CLCN7: variants seen among roughly 807,000 people sequenced by gnomAD.
The protein encoded by CLCN7 is H(+)/Cl(-) exchange transporter 7.
CLCN7 carries 60 observed loss-of-function variants against 102.1 expected under a neutral mutation model. That is an observed-to-expected ratio of 0.59 (90% confidence interval 0.48 to 0.73). The LOEUF (loss-of-function observed/expected upper bound fraction) is 0.73. Among genes scored for constraint, CLCN7 ranks in the 30% least tolerant of loss-of-function variants. The probability of loss-of-function intolerance (pLI) is 0.00; values close to 1 mark genes in which losing one functional copy is unlikely to be tolerated. For synonymous variants in CLCN7, 560 were observed against 490.5 expected (o/e 1.14, Z -1.87); for missense variants, 962 against 1,125.7 (o/e 0.85, Z 2.08).
chr16:1,455,584 G>T, intron 11 of CLCN7, 147 bp downstream of exon 11: 1 of 886,998 alleles, frequency 1.1e-6, no homozygotes, highest in Non-Finnish European at 1.8e-6. Context: ...CAGGACCGCT[G>T]CTTTGGGCAG....
At chr16:1,458,574 G>T (rs1381781234) in intron 7 of CLCN7, among the ~76,000 whole-genome samples, 6 of 152,234 alleles carry the variant, frequency 3.9e-5, no homozygotes, top group Non-Finnish European at 8.8e-5. Flanking sequence ...CACCCCCAGG[G>T]GGCAGCGGCC....
chr16:1,460,011 A>G (rs1406773481), intron 6 of CLCN7, among the ~76,000 whole-genome samples: 134 of 109,574 alleles, frequency 1.2e-3, no homozygotes, highest in African/African-American at 2.1e-3. Context: ...CAGGGAAGGG[A>G]AGAGCAGCAC....
At chr16:1,452,973 T>G in intron 14 of CLCN7, 80 bp from the exon 15 acceptor site, 1 of 1,527,980 alleles carries the variant, frequency 6.5e-7, no homozygotes, top group Middle Eastern at 1.7e-4. Flanking sequence ...CTCGAGTCCC[T>G]GATGGAGGAC....
In CLCN7 at chr16:1,450,551, C is replaced by A. The variant is rs2142371239; in HGVS notation, c.1563G>T (p.Gly521=). The A allele has an allele frequency of 3.7e-6, 6 of 1,611,716 alleles. No homozygotes were observed. The highest frequency in any genetic ancestry group is 5.1e-6 in the Non-Finnish European group (6 of 1,179,544). The change falls in exon 17 of 25, where the codon GGG becomes GGT. Residue 521 remains glycine (G), a synonymous_variant. Transcript: ENST00000382745. The part of the protein sequence containing the change: ...AGVFIPSLLI[G]AAWGRLFGIS... ...TCCCAAAGAGCCGGCCCCAGGCAGC[C>A]CCGATGAGCAGGGACGGGATGAAGA... is the stretch of plus-strand genomic sequence containing the variant.
intron 17 of CLCN7, 95 bp from the exon 18 acceptor site, chr16:1,449,422 C>A (rs2038707343): frequency 8.2e-7 from 1 of 1,217,488 alleles, no homozygotes. Context: ...GGCCCAGCAG[C>A]CCCACAGCCA....
At position 1,460,861 on chromosome 16, in the gene CLCN7, C is replaced by T. The variant is rs764560333; in HGVS notation, c.439G>A (p.Val147Met). 7 of 1,613,930 alleles carry T rather than the reference C, an allele frequency of 4.3e-6. No individual in the cohort carries two copies. The Admixed American group carries it at 5.0e-5, about 12-fold the overall frequency. Residue 147 changes from valine (V) to methionine (M), a missense_variant, in exon 5 of 25, where the codon GTG becomes ATG. Transcript: ENST00000382745. ...TGLVACFIDI[V>M]VENLAGLKYR... ...TTGAGGCCAGCCAGGTTTTCCACCACGATGTCAATGAAGCAGGCCACGAGG... is the reference window on the plus strand; with the variant it reads ...TTGAGGCCAGCCAGGTTTTCCACCATGATGTCAATGAAGCAGGCCACGAGG...
At chr16:1,473,897 C>G (rs1257258300) in intron 1 of CLCN7, among the ~76,000 whole-genome samples, 3 of 151,828 alleles carry the variant, frequency 2.0e-5, no homozygotes, top group Non-Finnish European at 4.4e-5. Context: ...CCAGCCTGAC[C>G]AACACGGAGG....
chr16:1,468,406 C>A (rs1322114364), intron 1 of CLCN7, among the ~76,000 whole-genome samples: 1 of 152,256 alleles, frequency 6.6e-6, no homozygotes, highest in South Asian at 2.1e-4. Flanking sequence ...GCATCTCTTT[C>A]CTTAACTCTG....
intron 6 of CLCN7, 150 bp downstream of exon 6, chr16:1,460,268 T>C (rs2038912146): frequency 2.9e-6 from 2 of 679,872 alleles, no homozygotes; most frequent in Non-Finnish European, 5.4e-6. Flanking sequence ...CCTCCTGAGG[T>C]TGTGAGTCTG....
At chr16:1,461,359 C>T (rs1356876570) in intron 4 of CLCN7, 46 bp downstream of exon 4, 3 of 1,510,430 alleles carry the variant, frequency 2.0e-6, no homozygotes, top group Non-Finnish European at 2.7e-6. Context: ...CGGCCGGCAC[C>T]AGGCCCCGCA....
Position 1,456,109 on chromosome 16 carries a change from T to C in CLCN7, c.916+4A>G. The C allele has an allele frequency of 6.4e-7, 1 of 1,550,980 alleles. No homozygotes were observed. Among genetic ancestry groups the C allele is most frequent in the South Asian group, 1.2e-5 (1 of 84,790 alleles). ...AGCATTGGACCCGGTGCGGCCCTCC[T>C]CACCCACGGGGGCTCCAAACGCCGC... On this transcript the variant is annotated splice_donor_region_variant and intron_variant, in intron 10 of 24. Coordinates refer to ENST00000382745, the MANE Select transcript of CLCN7 (RefSeq NM_001287.6).
At chr16:1,447,326 G>A (rs1351221494) in intron 23 of CLCN7, 66 bp downstream of exon 23, 3 of 1,483,194 alleles carry the variant, frequency 2.0e-6, no homozygotes, top group Non-Finnish European at 2.7e-6. Context: ...CCTCCCCGAG[G>A]CTCTGGACCC....
intron 16 of CLCN7, among the ~76,000 whole-genome samples, chr16:1,451,183 T>G (rs1240240256): frequency 6.6e-6 from 1 of 152,216 alleles, no homozygotes; most frequent in East Asian, 1.9e-4. Flanking sequence ...CAGGCCGTGG[T>G]CTTGGTGTGG....
chr16:1,447,165 A>AC, intron 23 of CLCN7, 79 bp from the exon 24 acceptor site: 1 of 1,370,304 alleles, frequency 7.3e-7, no homozygotes, highest in Non-Finnish European at 1.0e-6. Context: ...GGCTCCCTGC[A>AC]CCCCCCACCA....
In CLCN7 at chr16:1,474,948, G is replaced by C; in HGVS notation, c.27C>G (p.Ser9=). MANVSKKV[S]WSGRDRDDEE... ...CGTCGTCCCGGTCCCGGCCGGACCA[G>C]GACACCTTCTTAGAGACGTTGGCCA... The change falls in exon 1 of 25, where the codon TCC becomes TCG. Residue 9 remains serine, a synonymous_variant. Transcript: ENST00000382745. 6.7e-7 allele frequency: 1 copy of C among 1,492,466 alleles called. No individual in the cohort carries two copies. Among genetic ancestry groups the C allele is most frequent in the Non-Finnish European group, 8.9e-7 (1 of 1,126,446 alleles). The allele number at this position is 1,492,466 out of a possible 1,614,324, so 92.5% of individuals were successfully genotyped here.
rs1314720299 is a variant in CLCN7, at chr16:1,452,864, A to G, written c.1244T>C (p.Ile415Thr). The G allele has an allele frequency of 1.3e-6, 2 of 1,578,636 alleles. No homozygotes were observed. Among genetic ancestry groups the G allele is most frequent in the Non-Finnish European group, 1.7e-6 (2 of 1,162,422 alleles). Residue 415 changes from isoleucine to threonine, a missense_variant, in exon 15 of 25, where the codon ATT becomes ACT. Ile to Thr is a moderately conservative substitution (Grantham distance 89). Coordinates refer to ENST00000382745, the MANE Select transcript of CLCN7 (RefSeq NM_001287.6). ...GACGGCGGCCACCAGCACGGCCTCA[A>G]TCACCTGCAGGCAGGGCCGGTGGAT... The part of the protein sequence containing the change: ...RYIHRPCLQV[I>T]EAVLVAAVTA...
rs1032308852 is a variant in CLCN7, at chr16:1,447,555, C to T, written c.2087G>A (p.Arg696Gln). 1.9e-5 allele frequency: 30 copies of T among 1,556,044 alleles called. No homozygotes were observed. In the East Asian group the frequency reaches 2.9e-4, roughly 15 times the overall value. ...VLLKHKVFVE[R>Q]SNLGLVQRRL... ...CCGCTGTACCAGGCCCAGGTTGGAC[C>T]GCTCCACAAACACCTGCGGGCGGCA... Residue 696 changes from arginine to glutamine, a missense_variant, in exon 23 of 25, where the codon CGG becomes CAG. By Grantham distance (43) the Arg-to-Gln change is conservative (BLOSUM62 1). This residue lies in a region of CLCN7 where 799 missense variants were observed against 988.0 expected (regional missense o/e 0.81). Coordinates refer to ENST00000382745, the MANE Select transcript of CLCN7 (RefSeq NM_001287.6).
Position 1,465,270 on chromosome 16 carries a change from G to C in CLCN7, c.210C>G (p.Asp70Glu), listed in dbSNP as rs1650874866. Residue 70 changes from aspartate (D) to glutamate (E), a missense_variant, in exon 2 of 25, where the codon GAC (aspartate) becomes GAG (glutamate). Physicochemically the swap from Asp to Glu is conservative, Grantham distance 45. Around this residue, in one of 2 missense-constraint regions of CLCN7, gnomAD observed 163 missense variants for 137.7 expected, o/e 1.18. Transcript: ENST00000382745. ...ACGGGGAACACCCCCAACTCACCGG[G>C]TCCAAAAGTTCATCATCCAGCTCCA... ...SSVELDDELL[D>E]PDMDPPHPFP... 3 of 1,613,498 alleles carry C rather than the reference G, an allele frequency of 1.9e-6. No individual in the cohort carries two copies. Among genetic ancestry groups the C allele is most frequent in the African/African-American group, 1.3e-5 (1 of 74,930 alleles).
chr16:1,448,502 C>A lies in CLCN7; in HGVS notation c.1884-18G>T, dbSNP rs747788455. On this transcript the variant is annotated intron_variant, in intron 20 of 24. Transcript: ENST00000382745. ...TCACCTCCCTGCCGGAGGAGCCCGG[C>A]CACACATGCCCGTCACACGCCACCA... 12 of 1,607,044 alleles carry A rather than the reference C, an allele frequency of 7.5e-6. No homozygotes were observed. The South Asian group carries it at 1.2e-4, about 16-fold the overall frequency.
Sources: gnomAD v4.1 joint callset for allele counts (sites outside exome capture counted in the v4.1 genomes callset) on GRCh38, gnomAD v4.1.1 for gene constraint, gnomAD v4.1.1 regional missense constraint, MANE v1.5 for transcripts, NCBI Gene and HGNC (gene_info 2026-07-23, HGNC 2026-07-21) for gene names.